POU2F1: variants seen among roughly 807,000 people sequenced by gnomAD.
The protein encoded by POU2F1 is POU domain, class 2, transcription factor 1.
POU2F1 carries 16 observed loss-of-function variants against 84.9 expected under a neutral mutation model. The ratio of observed to expected loss-of-function variants is 0.19; its 90% CI spans 0.13 to 0.29. The LOEUF is 0.29. Among genes scored for constraint, POU2F1 ranks in the 10% least tolerant of loss-of-function variants. The pLI is 1.00. For missense variants in POU2F1, 738 were observed against 942.6 expected (o/e 0.78, Z 2.84); for synonymous variants, 368 against 368.3 (o/e 1.00, Z 0.01).
chr1:167,271,820 A>G (rs566463805), intron 1 of POU2F1, among the ~76,000 whole-genome samples: 1 of 152,206 alleles, frequency 6.6e-6, no homozygotes, highest in Non-Finnish European at 1.5e-5. Flanking sequence ...CCTCAGGTCA[A>G]ATTCGTGTTT....
At chr1:167,410,826 A>G (rs1026181666) in intron 13 of POU2F1, among the ~76,000 whole-genome samples, 4 of 152,028 alleles carry the variant, frequency 2.6e-5, no homozygotes, top group Non-Finnish European at 5.9e-5. Flanking sequence ...TTGTCTTACC[A>G]TTTTCAGTGG....
rs548686088 is a variant in POU2F1, at chr1:167,224,470, A to G, written c.61+3512A>G. On this transcript the variant is annotated intron_variant, in intron 1 of 15. Transcript: ENST00000367866. ...AAAACAGATTTTTTAAAAAAAATTC[A>G]GAATTCTTTTTGGATTTATCTTAGT... Among the ~76,000 whole-genome samples, 3 of 152,358 alleles carry G rather than the reference A, an allele frequency of 2.0e-5. No individual in the cohort carries two copies. In the South Asian group the frequency reaches 6.2e-4, roughly 32 times the overall value.
At chr1:167,246,810 A>G (rs1650353699) in intron 1 of POU2F1, among the ~76,000 whole-genome samples, 1 of 152,220 alleles carries the variant, frequency 6.6e-6, no homozygotes, top group Non-Finnish European at 1.5e-5. Context: ...AATAACCTAA[A>G]TGGAACTGTT....
intron 1 of POU2F1, among the ~76,000 whole-genome samples, chr1:167,242,907 G>A (rs533141189): frequency 4.6e-5 from 7 of 152,134 alleles, no homozygotes; most frequent in African/African-American, 1.2e-4. Flanking sequence ...ACAGACATAC[G>A]TATATTCTCA....
intron 1 of POU2F1, among the ~76,000 whole-genome samples, chr1:167,251,949 A>G (rs1366976962): frequency 1.3e-5 from 2 of 150,928 alleles, no homozygotes; most frequent in African/African-American, 2.4e-5. Flanking sequence ...GGTTCAAGCA[A>G]TTCTCCTGCC....
At chr1:167,309,213 C>A (rs1260846659) in intron 1 of POU2F1, among the ~76,000 whole-genome samples, 2 of 151,778 alleles carry the variant, frequency 1.3e-5, no homozygotes, top group African/African-American at 2.4e-5. Context: ...GTACTATTGC[C>A]CCCAGGCACT....
intron 1 of POU2F1, among the ~76,000 whole-genome samples, chr1:167,246,394 C>A (rs547065070): frequency 1.3e-5 from 2 of 152,234 alleles, no homozygotes; most frequent in East Asian, 1.9e-4. Flanking sequence ...TATTTACATT[C>A]GAAATATATG....
chr1:167,423,990 C>A lies in POU2F1; in HGVS notation c.*8180C>A, dbSNP rs1212551717. On this transcript the variant is annotated 3_prime_UTR_variant, in exon 16 of 16. Transcript: ENST00000367866. ...CAAGTAGAGAAAAGACTTTGTGCTC[C>A]CACCCAGCCTTAATGAGTCTCATGG... 6.6e-6 allele frequency: 1 copy of A among 152,186 alleles called. No homozygotes were observed. The highest frequency in any genetic ancestry group is 1.5e-5 in the Non-Finnish European group (1 of 68,034). 9.4% of individuals were successfully genotyped at this position (152,186 alleles called of 1,614,324 possible).
intron 2 of POU2F1, among the ~76,000 whole-genome samples, chr1:167,334,090 C>T (rs58600851): frequency 0.017 from 2,525 of 149,402 alleles, 67 homozygotes; most frequent in African/African-American, 0.058. Flanking sequence ...CCTGTATCTA[C>T]TTTAATGCTA....
At chr1:167,414,475 C>A (rs1015389274) in intron 15 of POU2F1, 3 of 985,386 alleles carry the variant, frequency 3.0e-6, no homozygotes, top group Non-Finnish European at 2.4e-6. Context: ...TGTAAGAAAT[C>A]AAATGTGTAA....
intron 3 of POU2F1, among the ~76,000 whole-genome samples, chr1:167,368,296 T>G (rs1034857338): frequency 6.6e-6 from 1 of 152,128 alleles, no homozygotes; most frequent in African/African-American, 2.4e-5. Flanking sequence ...ACCCAAGTTA[T>G]GCATTTTTGA....
chr1:167,221,087 C>T (rs896190457), intron 1 of POU2F1, 129 bp downstream of exon 1: 43 of 882,596 alleles, frequency 4.9e-5, no homozygotes, highest in South Asian at 1.0e-4. Context: ...GATGGGGGGC[C>T]GGGGAGCATT....
rs76748223 is a variant in POU2F1 at position 167,279,971 on chromosome 1, C to T, written c.62-52499C>T. 2.2e-3 allele frequency among the ~76,000 whole-genome samples: 338 copies of T among 152,110 alleles called. 9 individuals carry two copies. The East Asian group carries it at 0.06, about 27-fold the overall frequency. ...CTGTAATCTCAGCACTTTGGGAGGT[C>T]GAGGTGGGCAGATCACCTGAGGTCG... On this transcript the variant is annotated intron_variant, in intron 1 of 15. Coordinates refer to ENST00000367866, the MANE Select transcript of POU2F1 (RefSeq NM_002697.4).
At chr1:167,390,493 C>G (rs553287211) in intron 9 of POU2F1, among the ~76,000 whole-genome samples, 3 of 152,296 alleles carry the variant, frequency 2.0e-5, no homozygotes, top group African/African-American at 7.2e-5. Context: ...TATTTAAAAA[C>G]AGTTTTTTGT....
chr1:167,369,273 G>A (rs982863838), intron 3 of POU2F1, among the ~76,000 whole-genome samples: 5 of 152,158 alleles, frequency 3.3e-5, no homozygotes, highest in African/African-American at 9.7e-5. Context: ...TCCTCTCAGT[G>A]CATCTTAGCA....
chr1:167,345,364 G>A (rs953440441), intron 2 of POU2F1, among the ~76,000 whole-genome samples: 5 of 152,148 alleles, frequency 3.3e-5, no homozygotes, highest in African/African-American at 4.8e-5. Flanking sequence ...AGGTAGAAGG[G>A]AATGTAAGAA....
chr1:167,415,941 G>GGAA lies in POU2F1; in HGVS notation c.*131_*132insGAA. 2 of 434,216 alleles carry GGAA rather than the reference G, an allele frequency of 4.6e-6. No individual in the cohort carries two copies. 26.9% of individuals were successfully genotyped at this position (434,216 alleles called of 1,614,324 possible). Reference sequence around the variant, plus strand: ...TTGTGAGGGCAAAGGAGAGAAGGGAGAAAAAAAAAAAAAAACCACACACAC... The same window carrying GGAA: ...TTGTGAGGGCAAAGGAGAGAAGGGAGGAAAAAAAAAAAAAAAAACCACACACAC... On this transcript the variant is annotated 3_prime_UTR_variant, in exon 16 of 16. Coordinates refer to ENST00000367866, the MANE Select transcript of POU2F1 (RefSeq NM_002697.4).
At chr1:167,321,212 G>A (rs1459844541) in intron 1 of POU2F1, among the ~76,000 whole-genome samples, 1 of 152,152 alleles carries the variant, frequency 6.6e-6, no homozygotes, top group Non-Finnish European at 1.5e-5. Context: ...TTACGAGTAG[G>A]TTCAATTGCT....
intron 1 of POU2F1, among the ~76,000 whole-genome samples, chr1:167,237,762 A>ATTTTTTTTTTTTTT (rs1557836498): frequency 5.0e-5 from 1 of 20,000 alleles, no homozygotes. Flanking sequence ...ATATATATAT[A>ATTTTTTTTTTTTTT]TATATATATA....
Sources: allele counts gnomAD v4.1 joint callset (sites outside exome capture counted in the v4.1 genomes callset), GRCh38; gene constraint gnomAD v4.1.1; transcripts MANE v1.5; gene names NCBI Gene and HGNC (gene_info 2026-07-23, HGNC 2026-07-21).